Variants in SHC3 observed in about 807,000 individuals in gnomAD.
SHC3 encodes the protein SHC-transforming protein 3.
Under a neutral mutation model 60.4 loss-of-function variants are expected in SHC3, and 15 were observed. That is an observed-to-expected ratio of 0.25 (90% CI 0.17 to 0.38). SHC3 has a LOEUF of 0.38. Ranked by LOEUF, SHC3 falls within the 10% of genes least tolerant of loss-of-function variation. The pLI, the probability that SHC3 is intolerant of heterozygous loss-of-function variation, is 1.00. For synonymous variants in SHC3, 294 were observed against 325.9 expected (o/e 0.90, Z 1.05); for missense variants, 677 against 786.1 (o/e 0.86, Z 1.66).
At chr9:89,036,800 G>C (rs866371458) in intron 11 of SHC3, among the ~76,000 whole-genome samples, 10 of 151,966 alleles carry the variant, frequency 6.6e-5, no homozygotes, top group African/African-American at 1.9e-4. Context: ...GAGTAGTTGC[G>C]ATCACAGTTC....
intron 7 of SHC3, among the ~76,000 whole-genome samples, chr9:89,050,369 G>A (rs150999262): frequency 1.3e-5 from 2 of 152,220 alleles, no homozygotes; most frequent in South Asian, 2.1e-4. Context: ...TACTGCAACC[G>A]CCACCTCCCG....
At position 89,038,035 on chromosome 9, in the gene SHC3, A is replaced by G. The variant is rs781279811; in HGVS notation, c.1614T>C (p.Asn538=). The G allele has an allele frequency of 2.5e-6, 4 of 1,613,072 alleles. 1 individual carries two copies. ...CGAGCAGCAGGTGCTTGGCCTGGCC[A>G]TTGTGCATGCCCGTGAGGACAAAGG... The part of the protein sequence containing the change: ...PGSFVLTGMH[N]GQAKHLLLVD... Residue 538 remains asparagine, a synonymous_variant, in exon 11 of 12, where the codon AAT becomes AAC. Coordinates refer to ENST00000375835, the MANE Select transcript of SHC3 (RefSeq NM_016848.6).
chr9:89,008,020 G>A lies in SHC3; in HGVS notation c.*5427C>T, dbSNP rs1825965846. On this transcript the variant is annotated 3_prime_UTR_variant, in exon 12 of 12. Coordinates refer to ENST00000375835, the MANE Select transcript of SHC3 (RefSeq NM_016848.6). ...CACAGAGCCAATCTGCGTGTGTACA[G>A]AGATGCAGATCCGTTTTTAATCAAT... 1 of 152,264 alleles carries A rather than the reference G, an allele frequency of 6.6e-6. No homozygotes were observed. Among genetic ancestry groups the A allele is most frequent in the African/African-American group, 2.4e-5 (1 of 41,462 alleles). The allele number at this position is 152,264 out of a possible 1,614,324, so 9.4% of individuals were successfully genotyped here.
At chr9:89,044,545 C>T (rs1487020933) in intron 9 of SHC3, among the ~76,000 whole-genome samples, 3 of 152,162 alleles carry the variant, frequency 2.0e-5, no homozygotes, top group African/African-American at 7.2e-5. Flanking sequence ...CCCTTCAGAT[C>T]TTATAGACTT....
At chr9:89,036,080 G>A (rs772931424) in intron 11 of SHC3, among the ~76,000 whole-genome samples, 11 of 151,952 alleles carry the variant, frequency 7.2e-5, no homozygotes, top group Admixed American at 1.3e-4. Context: ...TGATGGATTC[G>A]GATGCATCCC....
chr9:89,173,186 G>A (rs1258871925), intron 1 of SHC3, among the ~76,000 whole-genome samples: 1 of 152,248 alleles, frequency 6.6e-6, no homozygotes, highest in Non-Finnish European at 1.5e-5. Flanking sequence ...TGGAGCTGCA[G>A]CCCAGGTGTC....
rs528134637 is a variant in SHC3 at position 89,022,207 on chromosome 9, T to C, written c.1657-8632A>G. Among the ~76,000 whole-genome samples, 101 of 152,026 alleles carry C rather than the reference T, an allele frequency of 6.6e-4. 1 individual carries two copies. The South Asian group carries it at 6.9e-3, about 10-fold the overall frequency. ...GAACCTGAAGAGCCTCGGGCACTAT[T>C]TAAACACTTTGGCGGTCCTGTCGGG... On this transcript the variant is annotated intron_variant, in intron 11 of 11. Transcript: ENST00000375835.
chr9:89,098,446 C>T (rs1299006802), intron 2 of SHC3, among the ~76,000 whole-genome samples: 1 of 152,202 alleles, frequency 6.6e-6, no homozygotes, highest in Non-Finnish European at 1.5e-5. Flanking sequence ...ACATTGTCCT[C>T]AGGAAATGTG....
chr9:89,177,411 G>A (rs955506815), intron 1 of SHC3, among the ~76,000 whole-genome samples: 2 of 152,212 alleles, frequency 1.3e-5, no homozygotes, highest in African/African-American at 4.8e-5. Context: ...CTTAGGGAAT[G>A]AAAGACAAAC....
chr9:89,113,078 A>C (rs1034438846), intron 1 of SHC3, among the ~76,000 whole-genome samples: 1 of 149,048 alleles, frequency 6.7e-6, no homozygotes, highest in African/African-American at 2.6e-5. Context: ...TGATATGACC[A>C]ACATTTTCAT....
intron 1 of SHC3, among the ~76,000 whole-genome samples, chr9:89,125,273 T>C (rs1826148013): frequency 6.6e-6 from 1 of 152,136 alleles, no homozygotes; most frequent in Admixed American, 6.5e-5. Flanking sequence ...CATCTAAATT[T>C]CCGAGTTTGC....
intron 1 of SHC3, among the ~76,000 whole-genome samples, chr9:89,127,831 C>A (rs919123921): frequency 6.6e-6 from 1 of 151,942 alleles, no homozygotes; most frequent in Non-Finnish European, 1.5e-5. Flanking sequence ...GGCTGATTCC[C>A]TCTTTTTGGG....
chr9:89,177,935 C>G, intron 1 of SHC3, 52 bp downstream of exon 1: 1 of 1,176,646 alleles, frequency 8.5e-7, no homozygotes, highest in South Asian at 4.2e-5. Flanking sequence ...GAGTCTGCCC[C>G]GAACTGGCCC....
intron 11 of SHC3, among the ~76,000 whole-genome samples, chr9:89,028,783 T>C (rs1029911026): frequency 4.8e-5 from 7 of 146,174 alleles, no homozygotes; most frequent in Non-Finnish European, 1.0e-4. Context: ...TATATAGATA[T>C]AGAGAGATAT....
intron 11 of SHC3, among the ~76,000 whole-genome samples, chr9:89,024,507 T>C (rs953995378): frequency 6.6e-6 from 1 of 152,162 alleles, no homozygotes; most frequent in Non-Finnish European, 1.5e-5. Context: ...GAAGACAGTT[T>C]TGAGCACCTG....
At chr9:89,064,288 C>T (rs1825139617) in intron 6 of SHC3, among the ~76,000 whole-genome samples, 1 of 152,170 alleles carries the variant, frequency 6.6e-6, no homozygotes, top group Admixed American at 6.5e-5. Context: ...CCCTCAAGCA[C>T]CAAAAATGGT....
chr9:89,028,878 T>C (rs1824421642), intron 11 of SHC3, among the ~76,000 whole-genome samples: 1 of 147,682 alleles, frequency 6.8e-6, no homozygotes, highest in Admixed American at 6.8e-5. Context: ...TAGATATATA[T>C]CTAGATATAA....
intron 2 of SHC3, among the ~76,000 whole-genome samples, chr9:89,093,779 T>C (rs1825660270): frequency 6.6e-6 from 1 of 152,110 alleles, no homozygotes; most frequent in South Asian, 2.1e-4. Flanking sequence ...GGTGAATGCA[T>C]ACATAAAACT....
chr9:89,026,955 T>C (rs62547188), intron 11 of SHC3, among the ~76,000 whole-genome samples: 1,741 of 152,318 alleles, frequency 0.011, 17 homozygotes, highest in Middle Eastern at 0.034. Flanking sequence ...TCCGAGCTAC[T>C]GAGAAGCCCC....
Sources: gnomAD v4.1 joint callset for allele counts (sites outside exome capture counted in the v4.1 genomes callset) on GRCh38, gnomAD v4.1.1 for gene constraint, MANE v1.5 for transcripts, NCBI Gene and HGNC (gene_info 2026-07-23, HGNC 2026-07-21) for gene names.